GAL3ST1: variants seen among roughly 807,000 people sequenced by gnomAD.
GAL3ST1 encodes galactosylceramide sulfotransferase.
GAL3ST1 carries 13 observed loss-of-function variants against 25.0 expected under a neutral mutation model. The ratio of observed to expected loss-of-function variants is 0.52; its 90% CI spans 0.34 to 0.83. The LOEUF (loss-of-function observed/expected upper bound fraction) is 0.83. Ranked by LOEUF, GAL3ST1 falls within the 40% of genes least tolerant of loss-of-function variation. The pLI is 0.02. For missense variants in GAL3ST1, 474 were observed against 613.6 expected (o/e 0.77, Z 2.40); for synonymous variants, 274 against 277.8 (o/e 0.99, Z 0.14).
intron 1 of GAL3ST1, among the ~76,000 whole-genome samples, chr22:30,561,286 G>A (rs937674490): frequency 1.3e-5 from 2 of 152,174 alleles, no homozygotes; most frequent in Non-Finnish European, 2.9e-5. Flanking sequence ...CCTGCCACAC[G>A]TGCTGGGTGC....
intron 1 of GAL3ST1, among the ~76,000 whole-genome samples, chr22:30,568,531 G>A (rs972654196): frequency 9.8e-5 from 15 of 152,290 alleles, no homozygotes; most frequent in African/African-American, 3.6e-4. Context: ...ACACTGACTG[G>A]ATTTCAAGAA....
chr22:30,573,193 G>A (rs776102737), intron 1 of GAL3ST1, among the ~76,000 whole-genome samples: 1 of 152,302 alleles, frequency 6.6e-6, no homozygotes, highest in African/African-American at 2.4e-5. Flanking sequence ...GGAGGCGAGG[G>A]GGGGTGTCCA....
rs570394773 is a variant in GAL3ST1 at position 30,560,036 on chromosome 22, G to A, written c.-119-1648C>T. Among the ~76,000 whole-genome samples the A allele has an allele frequency of 3.9e-5, 6 of 152,334 alleles. No individual in the cohort carries two copies. In the South Asian group the frequency reaches 1.2e-3, roughly 32 times the overall value. Reference sequence around the variant, plus strand: ...CTATGCCCTGGAAAAGTTATGCTGAGGTGGGAGGATTGCTTGAGCCTGGGG... The same window carrying A: ...CTATGCCCTGGAAAAGTTATGCTGAAGTGGGAGGATTGCTTGAGCCTGGGG... On this transcript the variant is annotated intron_variant, in intron 1 of 3. Coordinates refer to ENST00000406361, the MANE Select transcript of GAL3ST1 (RefSeq NM_001318104.2).
At chr22:30,572,484 G>C (rs893010328) in intron 1 of GAL3ST1, among the ~76,000 whole-genome samples, 1 of 152,158 alleles carries the variant, frequency 6.6e-6, no homozygotes, top group Non-Finnish European at 1.5e-5. Context: ...TCACAGGCCT[G>C]CTGTGAGGCA....
intron 1 of GAL3ST1, among the ~76,000 whole-genome samples, chr22:30,562,307 C>T (rs886476762): frequency 4.6e-5 from 7 of 152,090 alleles, no homozygotes; most frequent in African/African-American, 7.2e-5. Flanking sequence ...TTTCCCACCT[C>T]GGCCGCTCAA....
chr22:30,574,361 G>A (rs575268441), intron 1 of GAL3ST1, 105 bp downstream of exon 1: 1 of 152,494 alleles, frequency 6.6e-6, no homozygotes, highest in South Asian at 2.1e-4. Context: ...CCCTCCTCCG[G>A]CGCGTGGTCC....
chr22:30,554,845 G>T lies in GAL3ST1; in HGVS notation c.*108C>A. On this transcript the variant is annotated 3_prime_UTR_variant, in exon 4 of 4. Coordinates refer to ENST00000406361, the MANE Select transcript of GAL3ST1 (RefSeq NM_001318104.2). ...CCAGGGAGCCCCCCCTCACCCCGGGGTCTGAGGTGGCACCAGGAGGGGGCT... is the reference window on the plus strand; with the variant it reads ...CCAGGGAGCCCCCCCTCACCCCGGGTTCTGAGGTGGCACCAGGAGGGGGCT... 1.1e-6 allele frequency: 1 copy of T among 870,934 alleles called. No homozygotes were observed. The highest frequency in any genetic ancestry group is 1.7e-6 in the Non-Finnish European group (1 of 592,842). 54.0% of individuals were successfully genotyped at this position (870,934 alleles called of 1,614,324 possible). A position where few individuals can be genotyped will look rare whatever the true frequency, so the allele number is the denominator to read the frequency against.
At chr22:30,556,503 G>A (rs1387476736) in intron 3 of GAL3ST1, among the ~76,000 whole-genome samples, 1 of 152,168 alleles carries the variant, frequency 6.6e-6, no homozygotes, top group Non-Finnish European at 1.5e-5. Context: ...TATTGCACCA[G>A]CTACAGGCTG....
intron 1 of GAL3ST1, among the ~76,000 whole-genome samples, chr22:30,558,683 C>T (rs969940253): frequency 1.3e-5 from 2 of 152,190 alleles, no homozygotes; most frequent in Non-Finnish European, 2.9e-5. Context: ...CTGAGGCTCA[C>T]AGCTGGGAAG....
At chr22:30,558,570 C>G (rs1043683445) in intron 1 of GAL3ST1, among the ~76,000 whole-genome samples, 182 bp from the exon 2 acceptor site, 2 of 152,318 alleles carry the variant, frequency 1.3e-5, no homozygotes, top group African/African-American at 4.8e-5. Flanking sequence ...CTGTGCCACC[C>G]ACCCCACAGT....
intron 1 of GAL3ST1, among the ~76,000 whole-genome samples, chr22:30,561,190 CG>C (rs2086390349): frequency 6.6e-6 from 1 of 152,218 alleles, no homozygotes; most frequent in Non-Finnish European, 1.5e-5. Context: ...GCGATCCACC[CG>C]CCTTGGCCTT....
At chr22:30,569,127 C>T (rs2086708335) in intron 1 of GAL3ST1, among the ~76,000 whole-genome samples, 2 of 150,394 alleles carry the variant, frequency 1.3e-5, no homozygotes, top group South Asian at 2.1e-4. Context: ...AGGAAGCATG[C>T]TACTGAGTCT....
chr22:30,563,894 C>A (rs1455873364), intron 1 of GAL3ST1, among the ~76,000 whole-genome samples: 1 of 145,820 alleles, frequency 6.9e-6, no homozygotes, highest in Non-Finnish European at 1.5e-5. Flanking sequence ...CCAGCCTGGG[C>A]GACAGAGCGA....
chr22:30,572,031 C>T (rs1472583788), intron 1 of GAL3ST1, among the ~76,000 whole-genome samples: 2 of 152,192 alleles, frequency 1.3e-5, no homozygotes, highest in Non-Finnish European at 2.9e-5. Context: ...TGCTACACTG[C>T]CTTGTCTGGG....
chr22:30,570,977 T>TACATAC (rs1555888873), intron 1 of GAL3ST1, among the ~76,000 whole-genome samples: 1 of 146,088 alleles, frequency 6.8e-6, no homozygotes, highest in African/African-American at 2.5e-5. Flanking sequence ...TCTGTGATGA[T>TACATAC]ACACACACAC....
At chr22:30,570,977 TACAC>T (rs67031445) in intron 1 of GAL3ST1, among the ~76,000 whole-genome samples, 11,896 of 146,044 alleles carry the variant, frequency 0.081, 491 homozygotes, top group Non-Finnish European at 0.11. Context: ...TCTGTGATGA[TACAC>T]ACACACACAC....
chr22:30,563,248 T>C (rs762437851), intron 1 of GAL3ST1: 13 of 152,170 alleles, frequency 8.5e-5, no homozygotes, highest in Non-Finnish European at 1.8e-4. Context: ...ACGTGACAGG[T>C]CTCAGTCAAA....
chr22:30,559,594 C>T (rs2086262004), intron 1 of GAL3ST1, among the ~76,000 whole-genome samples: 1 of 152,066 alleles, frequency 6.6e-6, no homozygotes, highest in Admixed American at 6.5e-5. Context: ...GATGCCCAGG[C>T]TGGTATTGAA....
chr22:30,557,227 C>A (rs756605361), intron 3 of GAL3ST1, 35 bp downstream of exon 3: 44 of 1,611,406 alleles, frequency 2.7e-5, no homozygotes, highest in Non-Finnish European at 1.7e-6. Flanking sequence ...CCCTCCCCCA[C>A]CTACACCCAT....
Sources: gnomAD v4.1 joint callset for allele counts (sites outside exome capture counted in the v4.1 genomes callset) on GRCh38, gnomAD v4.1.1 for gene constraint, MANE v1.5 for transcripts, NCBI Gene and HGNC (gene_info 2026-07-23, HGNC 2026-07-21) for gene names.